VPS13B: variants seen among roughly 807,000 people sequenced by gnomAD.
The protein encoded by VPS13B is vacuolar protein sorting 13 homolog B.
In VPS13B, 285 loss-of-function variants were observed where a neutral mutation model predicts 426.4. The ratio of observed to expected loss-of-function variants is 0.67; its 90% CI spans 0.61 to 0.74. The LOEUF (loss-of-function observed/expected upper bound fraction) is 0.74. VPS13B is among the 30% of genes least tolerant of loss of function. The pLI, the probability that VPS13B is intolerant of heterozygous loss-of-function variation, is 0.00. For missense variants in VPS13B, 4,537 were observed against 4,782.6 expected (o/e 0.95, Z 1.51); for synonymous variants, 1,676 against 1,676.4 (o/e 1.00, Z 0.01).
chr8:99,296,567 T>C (rs1351237023), intron 19 of VPS13B, among the ~76,000 whole-genome samples: 1 of 152,192 alleles, frequency 6.6e-6, no homozygotes, highest in African/African-American at 2.4e-5. Flanking sequence ...TCTGTGCATA[T>C]TGTGAATGCA....
At chr8:99,690,690 A>T (rs1243157640) in intron 35 of VPS13B, among the ~76,000 whole-genome samples, 7 of 152,194 alleles carry the variant, frequency 4.6e-5, no homozygotes, top group African/African-American at 1.7e-4. Flanking sequence ...AACCAAATTT[A>T]AAAATGAGCA....
chr8:99,544,080 T>C (rs1051266957), intron 30 of VPS13B, among the ~76,000 whole-genome samples: 6 of 148,382 alleles, frequency 4.0e-5, no homozygotes, highest in Admixed American at 1.3e-4. Context: ...CCAACAATGC[T>C]AGACTGGATT....
intron 3 of VPS13B, among the ~76,000 whole-genome samples, chr8:99,070,639 T>G (rs946302523): frequency 2.0e-5 from 3 of 152,190 alleles, no homozygotes; most frequent in Non-Finnish European, 4.4e-5. Flanking sequence ...ATCTATAGGT[T>G]TCCTCTCCAC....
chr8:99,013,996 T>C, intron 2 of VPS13B, 61 bp downstream of exon 2: 1 of 1,612,038 alleles, frequency 6.2e-7, no homozygotes, highest in South Asian at 1.1e-5. Flanking sequence ...CGGTAATCTA[T>C]TGTTTCCTAA....
chr8:99,375,567 G>T (rs557443222), intron 19 of VPS13B, among the ~76,000 whole-genome samples: 50 of 152,270 alleles, frequency 3.3e-4, no homozygotes, highest in African/African-American at 1.2e-3. Flanking sequence ...CCTAGATAAA[G>T]TTGCTAGTAG....
chr8:99,637,403 A>G (rs925567782), intron 33 of VPS13B, among the ~76,000 whole-genome samples: 1 of 152,070 alleles, frequency 6.6e-6, no homozygotes, highest in African/African-American at 2.4e-5. Context: ...TTAGGAATTT[A>G]GTTTTCTAGT....
At chr8:99,439,352 A>G (rs1432093195) in intron 22 of VPS13B, among the ~76,000 whole-genome samples, 2 of 152,128 alleles carry the variant, frequency 1.3e-5, no homozygotes, top group African/African-American at 4.8e-5. Flanking sequence ...AGAATTCTGT[A>G]AGGATATTAA....
intron 39 of VPS13B, among the ~76,000 whole-genome samples, chr8:99,726,518 A>G (rs530522573): frequency 9.8e-5 from 15 of 152,314 alleles, no homozygotes; most frequent in Middle Eastern, 3.4e-3. Flanking sequence ...TAAAATTGGT[A>G]ATGGGTATTT....
intron 3 of VPS13B, among the ~76,000 whole-genome samples, chr8:99,095,518 A>AAAAC (rs895621449): frequency 5.3e-5 from 8 of 152,176 alleles, no homozygotes; most frequent in Non-Finnish European, 1.0e-4. Flanking sequence ...TTATTACTTA[A>AAAAC]AAACAAACAA....
intron 51 of VPS13B, 72 bp downstream of exon 51, chr8:99,824,050 A>T: frequency 6.5e-7 from 1 of 1,546,796 alleles, no homozygotes; most frequent in Non-Finnish European, 8.8e-7. Flanking sequence ...ACTTCTCTTT[A>T]ACCTATAGCA....
chr8:99,545,251 G>A (rs937463104), intron 30 of VPS13B, among the ~76,000 whole-genome samples: 34 of 152,102 alleles, frequency 2.2e-4, no homozygotes, highest in South Asian at 1.5e-3. Flanking sequence ...TAATTTTTCT[G>A]TATCACTTGT....
intron 17 of VPS13B, among the ~76,000 whole-genome samples, chr8:99,224,971 A>G (rs1815931779): frequency 1.3e-5 from 2 of 152,130 alleles, no homozygotes; most frequent in Non-Finnish European, 2.9e-5. Flanking sequence ...TTGCCTCTCC[A>G]GTTAGCTTTG....
Position 99,170,045 on chromosome 8 carries a change from G to A in VPS13B, c.2215G>A (p.Gly739Ser). The change falls in exon 16 of 62, where the codon GGT (glycine) becomes AGT (serine). Residue 739 changes from glycine (G) to serine (S), a missense_variant. Coordinates refer to ENST00000357162, the MANE Select transcript of VPS13B (RefSeq NM_152564.5). ...TCTTTTCTTTTTGTTTTAGATATTT[G>A]GTTTCCAGGCAGGACTGACGTCTTT... The part of the protein sequence containing the change: ...CYVHCYLKIF[G>S]FQAGLTSLDC... 1 of 1,612,538 alleles carries A rather than the reference G, an allele frequency of 6.2e-7. No individual in the cohort carries two copies. Among genetic ancestry groups the A allele is most frequent in the Non-Finnish European group, 8.5e-7 (1 of 1,178,808 alleles).
intron 19 of VPS13B, among the ~76,000 whole-genome samples, chr8:99,282,599 A>T (rs1467690027): frequency 6.6e-6 from 1 of 152,308 alleles, no homozygotes; most frequent in South Asian, 2.1e-4. Context: ...GATACCTTTT[A>T]AAGTATCTGC....
At chr8:99,458,310 T>C (rs1009869106) in intron 23 of VPS13B, among the ~76,000 whole-genome samples, 5 of 152,176 alleles carry the variant, frequency 3.3e-5, no homozygotes, top group African/African-American at 1.2e-4. Flanking sequence ...CTTAATCCAG[T>C]CTATCGTTGT....
At chr8:99,331,652 G>A (rs1810550354) in intron 19 of VPS13B, among the ~76,000 whole-genome samples, 1 of 151,688 alleles carries the variant, frequency 6.6e-6, no homozygotes, top group Non-Finnish European at 1.5e-5. Context: ...TTGCATTTGT[G>A]CATTTTTGTA....
chr8:99,440,406 G>A (rs936268823), intron 22 of VPS13B, among the ~76,000 whole-genome samples: 1 of 151,836 alleles, frequency 6.6e-6, no homozygotes, highest in Non-Finnish European at 1.5e-5. Context: ...AGAATTTACT[G>A]CTGCAGATTT....
rs772658121 is a variant in VPS13B, at chr8:99,832,621, G to A, written c.9583G>A (p.Gly3195Arg). The change falls in exon 52 of 62, where the codon GGG becomes AGG. Residue 3195 changes from glycine (G) to arginine (R), a missense_variant. By Grantham distance (125) the Gly-to-Arg change is moderately radical. Around this residue, in one of 2 missense-constraint regions of VPS13B, gnomAD observed 4,311 missense variants for 4,474.3 expected, o/e 0.96. Transcript: ENST00000357162. ...CAGACAGAGTGTGGCAGTACCCCTC[G>A]GGAATTTCCGGGAAAATGGATTCTG... The part of the protein sequence containing the change: ...FPRQSVAVPL[G>R]NFRENGFCTR... 14 of 1,613,540 alleles carry A rather than the reference G, an allele frequency of 8.7e-6. No homozygotes were observed. The South Asian group carries it at 8.8e-5, about 10-fold the overall frequency.
At chr8:99,866,777 C>T (rs1817123858) in intron 58 of VPS13B, among the ~76,000 whole-genome samples, 1 of 152,236 alleles carries the variant, frequency 6.6e-6, no homozygotes, top group Non-Finnish European at 1.5e-5. Flanking sequence ...CTGCCTGTCC[C>T]TCAGTGTGGC....
Sources: allele counts gnomAD v4.1 joint callset (sites outside exome capture counted in the v4.1 genomes callset), GRCh38; gene constraint gnomAD v4.1.1; regional missense constraint gnomAD v4.1.1; transcripts MANE v1.5; gene names NCBI Gene and HGNC (gene_info 2026-07-23, HGNC 2026-07-21).